DYNC1H1: variants seen among roughly 807,000 people sequenced by gnomAD.
DYNC1H1 encodes dynein cytoplasmic 1 heavy chain 1, also known as cytoplasmic dynein 1 heavy chain 1.
Under a neutral mutation model 527.1 loss-of-function variants are expected in DYNC1H1, and 51 were observed. The observed-to-expected ratio is 0.10, with a 90% confidence interval of 0.08 to 0.12. DYNC1H1 has a LOEUF of 0.12. Among genes scored for constraint, DYNC1H1 ranks in the 10% least tolerant of loss-of-function variants. The probability of loss-of-function intolerance (pLI) is 1.00; values close to 1 mark genes in which losing one functional copy is unlikely to be tolerated. For missense variants in DYNC1H1, 2,771 were observed against 5,971.8 expected, an observed-to-expected ratio of 0.46 and a Z score of 17.66; for synonymous variants, 2,189 against 2,278.8, an observed-to-expected ratio of 0.96 and a Z score of 1.12.
In DYNC1H1 at chr14:102,050,061, C is replaced by T. The variant is rs764347151; in HGVS notation, c.13685-10C>T. ...TCACCTCAGCCTGGGTTTTGGCTTC[C>T]GCCTCACAGGTTTGAAACTTCAAGG... On this transcript the variant is annotated splice_polypyrimidine_tract_variant and intron_variant, in intron 76 of 77. Transcript: ENST00000360184. 4.1e-5 allele frequency: 63 copies of T among 1,550,756 alleles called. No individual in the cohort carries two copies. The highest frequency in any genetic ancestry group is 2.6e-4 in the East Asian group (7 of 27,416).
chr14:102,040,166 A>C, intron 62 of DYNC1H1, 70 bp from the exon 63 acceptor site: 1 of 1,595,240 alleles, frequency 6.3e-7, no homozygotes, highest in Non-Finnish European at 8.6e-7. Flanking sequence ...TTCTTAAATC[A>C]CAGCTGTTAT....
chr14:102,022,282 G>A (rs1464456262), intron 42 of DYNC1H1, among the ~76,000 whole-genome samples: 1 of 151,750 alleles, frequency 6.6e-6, no homozygotes, highest in Non-Finnish European at 1.5e-5. Context: ...GGATCACGAG[G>A]TCAGGAGATC....
At chr14:102,024,540 C>T (rs978752136) in intron 43 of DYNC1H1, among the ~76,000 whole-genome samples, 23 of 152,206 alleles carry the variant, frequency 1.5e-4, no homozygotes, top group Non-Finnish European at 2.9e-4. Context: ...TCAGGGAGGG[C>T]ATACAAGGCA....
At chr14:101,992,911 T>G (rs1233141511) in intron 11 of DYNC1H1, among the ~76,000 whole-genome samples, 1 of 152,156 alleles carries the variant, frequency 6.6e-6, no homozygotes, top group Non-Finnish European at 1.5e-5. Flanking sequence ...AAATGTTCTG[T>G]TCCCTCTCCA....
chr14:102,001,485 T>C lies in DYNC1H1; in HGVS notation c.4396-50T>C. 1 of 1,614,022 alleles carries C rather than the reference T, an allele frequency of 6.2e-7. No individual in the cohort carries two copies. The highest frequency in any genetic ancestry group is 8.5e-7 in the Non-Finnish European group (1 of 1,179,926). ...TATAATGCTGGGTCCCTTGTGCAGG[T>C]AGTGAATGCCCACATATTGATAACA... On this transcript the variant is annotated intron_variant, in intron 20 of 77. Coordinates refer to ENST00000360184, the MANE Select transcript of DYNC1H1 (RefSeq NM_001376.5). This position sits in a 1 kb window ranked among gnomAD's most constrained non-coding sequence, Gnocchi z 5.0.
rs2141272852 is a variant in DYNC1H1, at chr14:101,983,894, G to A, written c.1461+285G>A. Among the ~76,000 whole-genome samples, 1 of 152,118 alleles carries A rather than the reference G, an allele frequency of 6.6e-6. No homozygotes were observed. The highest frequency in any genetic ancestry group is 2.1e-4 in the South Asian group (1 of 4,820). ...GGCTTTTACCATGTTGGCCAGGCTG[G>A]TTTTGAACTGGCCTTCAAGTGTTCC... On this transcript the variant is annotated intron_variant, in intron 7 of 77. Transcript: ENST00000360184. This position sits in a 1 kb window ranked among gnomAD's most constrained non-coding sequence, Gnocchi z 5.3.
At chr14:101,981,129 T>A (rs1251724735) in intron 5 of DYNC1H1, among the ~76,000 whole-genome samples, 1 of 152,180 alleles carries the variant, frequency 6.6e-6, no homozygotes, top group African/African-American at 2.4e-5. Context: ...TTTTTAAAAT[T>A]TATTTTTTTT....
At chr14:102,032,944 G>C (rs1238060668) in intron 52 of DYNC1H1, 121 bp from the exon 53 acceptor site, 1 of 997,582 alleles carries the variant, frequency 1.0e-6, no homozygotes, top group Non-Finnish European at 1.6e-6. Context: ...CTCATCCCCA[G>C]TGGTCAGTCA....
At position 102,016,283 on chromosome 14, in the gene DYNC1H1, C is replaced by G; in HGVS notation, c.7474-66C>G. 1 of 1,596,578 alleles carries G rather than the reference C, an allele frequency of 6.3e-7. No homozygotes were observed. The highest frequency in any genetic ancestry group is 8.6e-7 in the Non-Finnish European group (1 of 1,169,082). On this transcript the variant is annotated intron_variant, in intron 36 of 77. Coordinates refer to ENST00000360184, the MANE Select transcript of DYNC1H1 (RefSeq NM_001376.5). This position sits in a 1 kb window ranked among gnomAD's most constrained non-coding sequence, Gnocchi z 7.3. ...AACCACTGTCTTTAGGTTAACTTTG[C>G]TGTAAGTGTCTTTCTTTTGTTGTTG...
Position 102,029,772 on chromosome 14 carries a change from T to G in DYNC1H1, c.9643-47T>G. On this transcript the variant is annotated intron_variant, in intron 49 of 77. Transcript: ENST00000360184. The surrounding 1 kb of genome is among the most constrained non-coding windows in gnomAD (Gnocchi z 5.3). The stretch of plus-strand genomic sequence containing the variant: ...GCTGCAGTGAGGACCCCTTTCCATA[T>G]AATTTCTGCATGTTTCTCGTCTCTG... 1 of 1,614,210 alleles carries G rather than the reference T, an allele frequency of 6.2e-7. No homozygotes were observed. Among genetic ancestry groups the G allele is most frequent in the Non-Finnish European group, 8.5e-7 (1 of 1,180,050 alleles).
intron 52 of DYNC1H1, 89 bp from the exon 53 acceptor site, chr14:102,032,976 T>C (rs936050727): frequency 5.6e-5 from 76 of 1,345,378 alleles, no homozygotes; most frequent in Non-Finnish European, 8.0e-5. Context: ...AGATGGGAGC[T>C]GGCTCTGGTC....
At chr14:102,004,057 T>C (rs17512306) in intron 23 of DYNC1H1, among the ~76,000 whole-genome samples, 4,309 of 151,790 alleles carry the variant, frequency 0.028, 139 homozygotes, top group African/African-American at 0.082. Context: ...CTGGCTAACA[T>C]GGTGAAACCC....
intron 10 of DYNC1H1, among the ~76,000 whole-genome samples, chr14:101,989,085 A>G (rs2047967363): frequency 6.6e-6 from 1 of 152,202 alleles, no homozygotes; most frequent in Non-Finnish European, 1.5e-5. Flanking sequence ...CCTCACTCTC[A>G]TGTGAGATGT....
In DYNC1H1 at chr14:102,000,139, G is replaced by A. The variant is rs370976687; in HGVS notation, c.3955G>A (p.Val1319Met). 6.8e-6 allele frequency: 11 copies of A among 1,614,206 alleles called. No individual in the cohort carries two copies. Among genetic ancestry groups the A allele is most frequent in the Middle Eastern group, 3.3e-4 (2 of 6,062 alleles). The change falls in exon 17 of 78, where the codon GTG becomes ATG. Residue 1319 changes from valine (V) to methionine (M), a missense_variant. Val to Met is a conservative substitution (Grantham distance 21). This residue lies in a region of DYNC1H1 where 223 missense variants were observed against 462.5 expected (regional missense o/e 0.48). Transcript: ENST00000360184. ...GCTTCTCAGTGGCAGTGAAGAGCGC[G>A]TGCAGGTATGAACCACTGGGGAGTG... ...TGLLSGSEER[V>M]QVALEELQDL...
Position 101,987,586 on chromosome 14 carries a change from A to G in DYNC1H1, c.2672A>G (p.His891Arg), listed in dbSNP as rs774004189. ...VQKAVDDLNL[H>R]SYSNLPIWVN... Reference sequence around the variant, plus strand: ...AAAGCAGTGGATGACTTAAATCTGCACTCCTATTCCAATTTGCCCATCTGG... The same window carrying G: ...AAAGCAGTGGATGACTTAAATCTGCGCTCCTATTCCAATTTGCCCATCTGG... Residue 891 changes from histidine to arginine, a missense_variant, in exon 9 of 78, where the codon CAC becomes CGC. This residue lies in a region of DYNC1H1 where 179 missense variants were observed against 349.4 expected (regional missense o/e 0.51). Transcript: ENST00000360184. 20 of 1,613,978 alleles carry G rather than the reference A, an allele frequency of 1.2e-5. No individual in the cohort carries two copies. The highest frequency in any genetic ancestry group is 2.7e-5 in the African/African-American group (2 of 74,884).
intron 56 of DYNC1H1, chr14:102,035,358 A>AAAGAC (rs1595627332): frequency 1.3e-5 from 2 of 152,378 alleles, no homozygotes; most frequent in East Asian, 3.9e-4. Context: ...TCTGCTTAGG[A>AAAGAC]AAGACAGAAT....
rs563934519 is a variant in DYNC1H1, at chr14:102,001,871, C to A, written c.4542+190C>A. 3.9e-5 allele frequency among the ~76,000 whole-genome samples: 6 copies of A among 152,230 alleles called. No homozygotes were observed. In the East Asian group the frequency reaches 1.2e-3, roughly 29 times the overall value. On this transcript the variant is annotated intron_variant, in intron 21 of 77. Transcript: ENST00000360184. This position sits in a 1 kb window ranked among gnomAD's most constrained non-coding sequence, Gnocchi z 5.0. ...ACTGCTGCAGCCTTGACTTCCTGGG[C>A]TCAAGTGATCTTCCCACCTCAGCCT...
intron 73 of DYNC1H1, 88 bp downstream of exon 73, chr14:102,048,116 C>A: frequency 1.3e-6 from 2 of 1,489,358 alleles, no homozygotes; most frequent in East Asian, 2.5e-5. Context: ...ACCATTGGTT[C>A]CACTGTGCCG....
Position 101,991,770 on chromosome 14 carries a change from G to C in DYNC1H1, c.3015+97G>C, listed in dbSNP as rs991173435. 29 of 1,548,330 alleles carry C rather than the reference G, an allele frequency of 1.9e-5. No homozygotes were observed. The African/African-American group carries it at 4.0e-4, about 21-fold the overall frequency. On this transcript the variant is annotated intron_variant, in intron 11 of 77. Transcript: ENST00000360184. ...ATGGTGCTTCTTTAGATAAGCTCTT[G>C]ATGTTGTTTACAAACTCCAGACATC...
Sources: gnomAD v4.1 joint callset for allele counts (sites outside exome capture counted in the v4.1 genomes callset) on GRCh38, gnomAD v4.1.1 for gene constraint, gnomAD v4.1.1 regional missense constraint, Gnocchi (gnomAD v3.1) non-coding constraint, MANE v1.5 for transcripts, NCBI Gene and HGNC (gene_info 2026-07-23, HGNC 2026-07-21) for gene names.